The following DYNLL1 variants were observed in gnomAD, a reference collection of about 807,000 sequenced individuals.
DYNLL1 encodes dynein light chain 1, cytoplasmic.
In DYNLL1, 3 loss-of-function variants were observed where a neutral mutation model predicts 10.1. The ratio of observed to expected loss-of-function variants is 0.30; its 90% confidence interval spans 0.14 to 0.77. The LOEUF is 0.77. Ranked by LOEUF, DYNLL1 falls within the 30% of genes least tolerant of loss-of-function variation. DYNLL1 has a pLI of 0.66. For synonymous variants in DYNLL1, 46 were observed against 41.2 expected (o/e 1.12, Z -0.45); for missense variants, 47 against 111.7 (o/e 0.42, Z 2.61).
chr12:120,482,887 T>C (rs1878912447), intron 1 of DYNLL1, among the ~76,000 whole-genome samples: 1 of 151,776 alleles, frequency 6.6e-6, no homozygotes, highest in African/African-American at 2.4e-5. Context: ...GAGACCAGCC[T>C]GGGCAAGATG....
chr12:120,489,592 C>A (rs182191522), intron 1 of DYNLL1, among the ~76,000 whole-genome samples: 3 of 152,202 alleles, frequency 2.0e-5, no homozygotes. Context: ...CTGCTCCCAC[C>A]TCTCTCGCTG....
intron 1 of DYNLL1, among the ~76,000 whole-genome samples, chr12:120,484,259 C>A (rs546474692): frequency 2.3e-4 from 34 of 147,442 alleles, no homozygotes; most frequent in Non-Finnish European, 4.7e-4. Context: ...GGAGATGGAC[C>A]CAGTGCCAGG....
intron 1 of DYNLL1, among the ~76,000 whole-genome samples, chr12:120,481,249 A>G (rs1565921374): frequency 6.6e-6 from 1 of 152,058 alleles, no homozygotes; most frequent in Non-Finnish European, 1.5e-5. Flanking sequence ...TTCCACATCA[A>G]TTGTTCAATT....
upstream of DYNLL1, among the ~76,000 whole-genome samples, chr12:120,492,894 G>GT (rs536900508): frequency 3.0e-3 from 445 of 147,746 alleles, no homozygotes; most frequent in Admixed American, 4.3e-3. This position sits in a 1 kb window ranked among gnomAD's most constrained non-coding sequence, Gnocchi z 4.1. Flanking sequence ...TTGTAGAAGA[G>GT]TTTTTTTTTT....
intron 2 of DYNLL1, chr12:120,497,844 T>G (rs577528668): frequency 1.9e-4 from 102 of 535,986 alleles, no homozygotes; most frequent in Non-Finnish European, 3.1e-4. Context: ...GGGCTGACCT[T>G]TCGTCCTTTG....
At chr12:120,483,466 A>G (rs1196135791) in intron 1 of DYNLL1, among the ~76,000 whole-genome samples, 2 of 152,146 alleles carry the variant, frequency 1.3e-5, no homozygotes, top group Admixed American at 6.5e-5. Context: ...ACACAAGTCA[A>G]GGAAAACTTC....
chr12:120,490,482 A>G (rs1879100165), intron 1 of DYNLL1: 1 of 152,228 alleles, frequency 6.6e-6, no homozygotes, highest in Non-Finnish European at 1.5e-5. Flanking sequence ...CTTAGTCTAC[A>G]CCGGAGCTAG....
chr12:120,487,139 TA>T (rs1255690418), intron 1 of DYNLL1, among the ~76,000 whole-genome samples: 1 of 151,328 alleles, frequency 6.6e-6, no homozygotes, highest in Non-Finnish European at 1.5e-5. Context: ...CACACCCGGC[TA>T]ATTTTTTGTA....
At chr12:120,496,282 C>T (rs1025141046) in intron 1 of DYNLL1, 66 bp downstream of exon 1, 20 of 1,358,822 alleles carry the variant, frequency 1.5e-5, no homozygotes, top group East Asian at 5.0e-5. Context: ...GGACTTAGCC[C>T]TCCGCGTAGC....
chr12:120,496,325 C>A, intron 1 of DYNLL1, 91 bp from the exon 2 acceptor site: 1 of 1,545,132 alleles, frequency 6.5e-7, no homozygotes, highest in South Asian at 1.2e-5. Flanking sequence ...TGGGGGGCGT[C>A]GTCCCGTGGT....
intron 1 of DYNLL1, among the ~76,000 whole-genome samples, chr12:120,478,708 T>C (rs1343529656): frequency 6.7e-6 from 1 of 149,672 alleles, no homozygotes; most frequent in East Asian, 2.2e-4. Flanking sequence ...TTTTATGAGA[T>C]GGAGTCTCAA....
rs941487497 is a variant in DYNLL1, at chr12:120,496,180, A to G, written c.-43A>G. 4.9e-6 allele frequency: 3 copies of G among 616,944 alleles called. No homozygotes were observed. Among genetic ancestry groups the G allele is most frequent in the Non-Finnish European group, 8.5e-6 (3 of 353,214 alleles). The allele number at this position is 616,944 out of a possible 1,614,324, so 38.2% of individuals were successfully genotyped here. A position where few individuals can be genotyped will look rare whatever the true frequency, so the allele number is the denominator to read the frequency against. On this transcript the variant is annotated 5_prime_UTR_variant, in exon 1 of 3. Coordinates refer to ENST00000242577, the MANE Select transcript of DYNLL1 (RefSeq NM_003746.3). ...CCTGAGCTGTGCTAGCACCTCCCCC[A>G]GGAGACCGTTGCAGTCGGCCAGCCC...
rs1228433143 is a variant in DYNLL1, at chr12:120,496,564, G to T, written c.132+11G>T. 6.2e-7 allele frequency: 1 copy of T among 1,613,736 alleles called. No individual in the cohort carries two copies. The highest frequency in any genetic ancestry group is 8.5e-7 in the Non-Finnish European group (1 of 1,179,920). ...GCTCATATCAAGAAGGTGAGGATGG[G>T]CGCGGGGGCCGATACGCAGCCGGGA... is the stretch of plus-strand genomic sequence containing the variant. On this transcript the variant is annotated intron_variant, in intron 2 of 2. Transcript: ENST00000242577.
chr12:120,471,288 G>T (rs1164040099), intron 1 of DYNLL1, among the ~76,000 whole-genome samples: 2 of 151,358 alleles, frequency 1.3e-5, no homozygotes, highest in Non-Finnish European at 1.5e-5. Flanking sequence ...CACGAGAATC[G>T]CTTGAATCTG....
chr12:120,486,399 G>C (rs1181348548), intron 1 of DYNLL1, among the ~76,000 whole-genome samples: 1 of 152,048 alleles, frequency 6.6e-6, no homozygotes, highest in African/African-American at 2.4e-5. Flanking sequence ...TGCTCTTACC[G>C]AGAGAGAAAA....
At chr12:120,481,839 A>C (rs1878885219) in intron 1 of DYNLL1, among the ~76,000 whole-genome samples, 1 of 152,024 alleles carries the variant, frequency 6.6e-6, no homozygotes, top group Admixed American at 6.6e-5. Flanking sequence ...TAAATGATTA[A>C]ATTTTGTCTT....
upstream of DYNLL1, chr12:120,493,985 TTAAA>T (rs1233914776): frequency 1.3e-5 from 2 of 152,010 alleles, no homozygotes; most frequent in East Asian, 1.9e-4. Context: ...ATAGTAAAAA[TTAAA>T]TAAATAATAA....
intron 1 of DYNLL1, among the ~76,000 whole-genome samples, chr12:120,475,372 C>T (rs1878732317): frequency 6.6e-6 from 1 of 152,088 alleles, no homozygotes; most frequent in East Asian, 1.9e-4. Context: ...TCAGGGCTTC[C>T]TTTTCTTGGA....
chr12:120,480,825 T>C (rs1044834697), intron 1 of DYNLL1, among the ~76,000 whole-genome samples: 2 of 151,276 alleles, frequency 1.3e-5, no homozygotes, highest in African/African-American at 4.9e-5. Context: ...CGTGGCTCCA[T>C]CTTGGCTCAC....
Sources: gnomAD v4.1 joint callset for allele counts (sites outside exome capture counted in the v4.1 genomes callset) on GRCh38, gnomAD v4.1.1 for gene constraint, Gnocchi (gnomAD v3.1) non-coding constraint, MANE v1.5 for transcripts, NCBI Gene and HGNC (gene_info 2026-07-23, HGNC 2026-07-21) for gene names.